SLC10A7: variants seen among roughly 807,000 people sequenced by gnomAD.
SLC10A7 encodes sodium/bile acid cotransporter 7.
Under a neutral mutation model 43.2 loss-of-function variants are expected in SLC10A7, and 29 were observed. The ratio of observed to expected loss-of-function variants is 0.67; its 90% CI spans 0.50 to 0.92. The LOEUF (loss-of-function observed/expected upper bound fraction) is 0.92. SLC10A7 is among the 40% of genes least tolerant of loss of function. The pLI is 0.00. For missense variants in SLC10A7, 295 were observed against 403.2 expected (o/e 0.73, Z 2.30); for synonymous variants, 152 against 144.8 (o/e 1.05, Z -0.35).
intron 5 of SLC10A7, among the ~76,000 whole-genome samples, chr4:146,370,683 C>T (rs1009114697): frequency 6.6e-6 from 1 of 152,140 alleles, no homozygotes; most frequent in Admixed American, 6.6e-5. Flanking sequence ...CTCAGAGGTA[C>T]TTTTCATAGA....
At chr4:146,423,684 G>T (rs190291985) in intron 5 of SLC10A7, among the ~76,000 whole-genome samples, 2 of 152,282 alleles carry the variant, frequency 1.3e-5, no homozygotes, top group East Asian at 3.9e-4. Flanking sequence ...CTACTCAATA[G>T]CCCTAAAGGA....
In SLC10A7 at chr4:146,465,792, C is replaced by T. The variant is rs74694513; in HGVS notation, c.397-22971G>A. Among the ~76,000 whole-genome samples the T allele has an allele frequency of 1.1e-4, 16 of 152,236 alleles. No homozygotes were observed. The East Asian group carries it at 3.1e-3, about 29-fold the overall frequency. ...GTCATTCTCTGCAGTTCTTAAAGATCGCAGTTTAACTGAAGTCTTCATCAG... is the reference window on the plus strand; with the variant it reads ...GTCATTCTCTGCAGTTCTTAAAGATTGCAGTTTAACTGAAGTCTTCATCAG... On this transcript the variant is annotated intron_variant, in intron 4 of 11. Transcript: ENST00000335472.
In SLC10A7 at chr4:146,442,809, A is replaced by T. The variant is rs200455318; in HGVS notation, c.409T>A (p.Phe137Ile). The change falls in exon 5 of 12, where the codon TTT becomes ATT. Residue 137 changes from phenylalanine to isoleucine, a missense_variant. By Grantham distance (21) the Phe-to-Ile change is conservative (BLOSUM62 0). Transcript: ENST00000335472. ...AVGGNEAAAIFNSAFGSFLGI... is the reference protein window; with the variant it reads ...AVGGNEAAAIINSAFGSFLGI... Reference sequence around the variant, plus strand: ...AAAAAACTTCCAAAGGCTGAATTAAATATTGCAGCTGCCTATGAAGAAAAT... The same window carrying T: ...AAAAAACTTCCAAAGGCTGAATTAATTATTGCAGCTGCCTATGAAGAAAAT... 12 of 1,594,566 alleles carry T rather than the reference A, an allele frequency of 7.5e-6. No individual in the cohort carries two copies. Among genetic ancestry groups the T allele is most frequent in the African/African-American group, 1.4e-5 (1 of 73,818 alleles).
At chr4:146,380,905 G>A (rs1389629738) in intron 5 of SLC10A7, among the ~76,000 whole-genome samples, 1 of 152,106 alleles carries the variant, frequency 6.6e-6, no homozygotes, top group Non-Finnish European at 1.5e-5. Context: ...TTTAGATATA[G>A]ATATACACCT....
At chr4:146,261,166 TG>T (rs768512364) in intron 10 of SLC10A7, among the ~76,000 whole-genome samples, 1 of 152,208 alleles carries the variant, frequency 6.6e-6, no homozygotes, top group Non-Finnish European at 1.5e-5. Flanking sequence ...TGCAAACACC[TG>T]TCCTTCTGGT....
At chr4:146,403,945 A>T (rs566360697) in intron 5 of SLC10A7, among the ~76,000 whole-genome samples, 67 of 152,332 alleles carry the variant, frequency 4.4e-4, no homozygotes, top group African/African-American at 1.6e-3. Context: ...TGCTATTGTT[A>T]TTCTAAATGT....
chr4:146,274,462 C>G (rs1020666434), intron 10 of SLC10A7, among the ~76,000 whole-genome samples: 2 of 152,068 alleles, frequency 1.3e-5, no homozygotes, highest in African/African-American at 4.8e-5. Context: ...CCTCCGCCCC[C>G]CAAAGTTCTG....
chr4:146,332,097 T>A (rs1159327939), intron 5 of SLC10A7, among the ~76,000 whole-genome samples: 1 of 152,194 alleles, frequency 6.6e-6, no homozygotes, highest in Non-Finnish European at 1.5e-5. Context: ...CAAGGGCCTC[T>A]TTCCTCTCCT....
chr4:146,386,897 T>C (rs1432346372), intron 5 of SLC10A7, among the ~76,000 whole-genome samples: 1 of 152,234 alleles, frequency 6.6e-6, no homozygotes, highest in Non-Finnish European at 1.5e-5. Context: ...TAGCAAGTTC[T>C]ATTTTTCATA....
chr4:146,277,473 T>C (rs1424953052), intron 10 of SLC10A7, among the ~76,000 whole-genome samples: 2 of 152,206 alleles, frequency 1.3e-5, no homozygotes, highest in Admixed American at 1.3e-4. Context: ...TTTCTTTATG[T>C]GGATCAGAAA....
chr4:146,261,195 G>A (rs1172689137), intron 10 of SLC10A7, among the ~76,000 whole-genome samples: 1 of 152,180 alleles, frequency 6.6e-6, no homozygotes, highest in South Asian at 2.1e-4. Flanking sequence ...TCCTTGCAAG[G>A]GGCCCCAGAG....
chr4:146,431,177 A>G (rs193068224), intron 5 of SLC10A7, among the ~76,000 whole-genome samples: 47 of 152,282 alleles, frequency 3.1e-4, no homozygotes, highest in Admixed American at 3.1e-3. Flanking sequence ...ATATCCTAAG[A>G]TAGAAAAGCA....
rs181111105 is a variant in SLC10A7, at chr4:146,270,183, T to C, written c.848-11346A>G. Among the ~76,000 whole-genome samples the C allele has an allele frequency of 3.1e-3, 465 of 152,280 alleles. 2 individuals are homozygous for C. The highest frequency in any genetic ancestry group is 4.2e-3 in the Non-Finnish European group (286 of 68,012). ...CCTGATAATCTACTCTTGGCCTTTA[T>C]TTATTCTCAACAATTATAAACATTT... is the stretch of plus-strand genomic sequence containing the variant. On this transcript the variant is annotated intron_variant, in intron 10 of 11. Coordinates refer to ENST00000335472, the MANE Select transcript of SLC10A7 (RefSeq NM_001029998.6).
chr4:146,306,423 A>C lies in SLC10A7; in HGVS notation c.472-414T>G, dbSNP rs1731575599. On this transcript the variant is annotated intron_variant, in intron 6 of 11. Transcript: ENST00000335472. ...ATAACATTTTTATTTATGTAAATGA[A>C]ATAGTTTCTAACTTTCTGACTCCTT... is the stretch of plus-strand genomic sequence containing the variant. Among the ~76,000 whole-genome samples, 6 of 152,262 alleles carry C rather than the reference A, an allele frequency of 3.9e-5. No individual in the cohort carries two copies. The South Asian group carries it at 1.2e-3, about 32-fold the overall frequency.
At chr4:146,335,548 G>A (rs1230428196) in intron 5 of SLC10A7, among the ~76,000 whole-genome samples, 3 of 152,038 alleles carry the variant, frequency 2.0e-5, no homozygotes, top group South Asian at 2.1e-4. Flanking sequence ...CTGACAAAAT[G>A]TATAGAAATA....
At chr4:146,294,141 G>C in intron 7 of SLC10A7, 46 bp from the exon 8 acceptor site, 1 of 1,427,170 alleles carries the variant, frequency 7.0e-7, no homozygotes, top group Non-Finnish European at 9.5e-7. Context: ...GAGATGGAGG[G>C]AGTTGAAATG....
At chr4:146,390,913 A>G (rs1738381448) in intron 5 of SLC10A7, among the ~76,000 whole-genome samples, 1 of 152,152 alleles carries the variant, frequency 6.6e-6, no homozygotes, top group African/African-American at 2.4e-5. Flanking sequence ...CGGAAGCAAG[A>G]GGGGTTTTAG....
chr4:146,479,176 T>C (rs1734260230), intron 4 of SLC10A7, among the ~76,000 whole-genome samples: 1 of 152,160 alleles, frequency 6.6e-6, no homozygotes, highest in Non-Finnish European at 1.5e-5. Flanking sequence ...TTTTACAGGA[T>C]GATAGAAAAC....
intron 5 of SLC10A7, among the ~76,000 whole-genome samples, chr4:146,369,775 T>C (rs968348458): frequency 1.3e-5 from 2 of 152,198 alleles, no homozygotes; most frequent in African/African-American, 4.8e-5. Context: ...ATATTCAATT[T>C]TGATTTTCAC....
Sources: gnomAD v4.1 joint callset for allele counts (sites outside exome capture counted in the v4.1 genomes callset) on GRCh38, gnomAD v4.1.1 for gene constraint, MANE v1.5 for transcripts, NCBI Gene and HGNC (gene_info 2026-07-23, HGNC 2026-07-21) for gene names.